Variants in SLC9A6 observed in about 807,000 individuals in gnomAD.
SLC9A6 encodes the protein solute carrier family 9 member A6.
Under a neutral mutation model 45.3 loss-of-function variants are expected in SLC9A6, and 6 were observed. The observed-to-expected ratio is 0.13, with a 90% confidence interval of 0.07 to 0.26. The LOEUF (loss-of-function observed/expected upper bound fraction) is 0.26. SLC9A6 is among the 10% of genes least tolerant of loss of function. SLC9A6 has a pLI of 1.00. For missense variants in SLC9A6, 278 were observed against 503.7 expected, an observed-to-expected ratio of 0.55 and a Z score of 4.29; for synonymous variants, 191 against 187.7, an observed-to-expected ratio of 1.02 and a Z score of -0.14.
intron 10 of SLC9A6, among the ~76,000 whole-genome samples, chrX:136,014,777 A>G (rs1556619081): frequency 8.9e-6 from 1 of 112,618 alleles, no homozygotes; most frequent in Non-Finnish European, 1.9e-5. Flanking sequence ...GAACAAACAA[A>G]CAAACAACAA....
chrX:136,039,980 G>A (rs2071478710), intron 16 of SLC9A6, 96 bp from the exon 17 acceptor site: 9 of 675,127 alleles, frequency 1.3e-5, no homozygotes, highest in African/African-American at 2.2e-5. Flanking sequence ...GCTGTCCTCC[G>A]AAGTGGTTAC....
intron 6 of SLC9A6, among the ~76,000 whole-genome samples, chrX:135,999,233 G>A (rs924916598): frequency 3.7e-5 from 4 of 108,985 alleles, no homozygotes; most frequent in Non-Finnish European, 7.6e-5. Flanking sequence ...GGACTATAAG[G>A]TACTTTCTTC....
intron 15 of SLC9A6, among the ~76,000 whole-genome samples, chrX:136,031,070 C>T (rs782099490): frequency 8.9e-6 from 1 of 111,928 alleles, no homozygotes; most frequent in South Asian, 3.7e-4. Flanking sequence ...ATAGTAAGTA[C>T]TTGACTCTTG....
At chrX:135,978,651 CAA>C (rs201997429) in intron 1 of SLC9A6, among the ~76,000 whole-genome samples, 2 of 81,022 alleles carry the variant, frequency 2.5e-5, no homozygotes. Context: ...GACTCCATCT[CAA>C]AAAAAAAAAA....
intron 11 of SLC9A6, among the ~76,000 whole-genome samples, chrX:136,018,754 A>G (rs1556619581): frequency 9.0e-6 from 1 of 110,884 alleles, no homozygotes; most frequent in Non-Finnish European, 1.9e-5. Context: ...ACCTCACATC[A>G]GAATGAAGAT....
At chrX:135,990,017 G>A (rs897059994) in intron 2 of SLC9A6, among the ~76,000 whole-genome samples, 1 of 111,273 alleles carries the variant, frequency 9.0e-6, no homozygotes, top group Non-Finnish European at 1.9e-5. Flanking sequence ...ACGGAGTCTC[G>A]CTCTGTCTCC....
At chrX:136,007,236 A>G (rs782391820) in intron 7 of SLC9A6, among the ~76,000 whole-genome samples, 9 of 109,152 alleles carry the variant, frequency 8.2e-5, no homozygotes, top group Non-Finnish European at 1.3e-4. Flanking sequence ...CCCTCACCAC[A>G]CACACACAGG....
chrX:136,000,521 G>C (rs1316561196), intron 6 of SLC9A6, among the ~76,000 whole-genome samples: 1 of 111,444 alleles, frequency 9.0e-6, no homozygotes, highest in African/African-American at 3.3e-5. Context: ...AGAAATCTGA[G>C]TCCATGAGTC....
At chrX:136,003,793 CTT>C (rs1367929037) in intron 7 of SLC9A6, among the ~76,000 whole-genome samples, 1 of 111,943 alleles carries the variant, frequency 8.9e-6, no homozygotes, top group East Asian at 2.8e-4. Context: ...ATTTGTCAAA[CTT>C]TTATATTTTT....
chrX:136,031,758 C>A (rs115037573), intron 15 of SLC9A6, among the ~76,000 whole-genome samples: 8,239 of 111,266 alleles, frequency 0.074, 331 homozygotes, highest in African/African-American at 0.16. Context: ...ACAGAGGAAC[C>A]TTATACTAAG....
chrX:136,036,763 G>A lies in SLC9A6; in HGVS notation c.1661+3270G>A, dbSNP rs149104723. Reference sequence around the variant, plus strand: ...ATTTTATTCACCTTTTATGGTTAGTGTTTTCTGTGTCTTAAGAAATCTTCC... The same window carrying A: ...ATTTTATTCACCTTTTATGGTTAGTATTTTCTGTGTCTTAAGAAATCTTCC... On this transcript the variant is annotated intron_variant, in intron 16 of 17. Transcript: ENST00000630721. 4.2e-3 allele frequency among the ~76,000 whole-genome samples: 475 copies of A among 112,819 alleles called. 3 individuals carry two copies. Among genetic ancestry groups the A allele is most frequent in the African/African-American group, 0.013 (413 of 31,161 alleles).
intron 6 of SLC9A6, among the ~76,000 whole-genome samples, chrX:136,000,094 GA>G (rs1313839035): frequency 9.4e-6 from 1 of 106,572 alleles, no homozygotes; most frequent in African/African-American, 3.4e-5. Context: ...CAAAAAAAAA[GA>G]AAAAAAATAG....
At chrX:135,976,529 G>A (rs2089263848) in intron 1 of SLC9A6, among the ~76,000 whole-genome samples, 1 of 108,261 alleles carries the variant, frequency 9.2e-6, no homozygotes, top group Admixed American at 9.9e-5. Flanking sequence ...TTGAACCCAG[G>A]AGGCGGAGGT....
At chrX:136,044,056 A>G (rs781874339) in intron 17 of SLC9A6, among the ~76,000 whole-genome samples, 1 of 112,224 alleles carries the variant, frequency 8.9e-6, no homozygotes, top group African/African-American at 3.2e-5. Context: ...ATGCCACGAA[A>G]GCACACAGGA....
intron 11 of SLC9A6, 23 bp downstream of exon 11, chrX:136,016,781 T>G: frequency 1.1e-6 from 1 of 890,790 alleles, no homozygotes; most frequent in Non-Finnish European, 1.6e-6. Context: ...ATGTGTTTTA[T>G]TTTGAAAATA....
chrX:135,990,430 T>C (rs1257635235), intron 2 of SLC9A6, among the ~76,000 whole-genome samples: 1 of 112,341 alleles, frequency 8.9e-6, no homozygotes, highest in Non-Finnish European at 1.9e-5. Context: ...TCACTGAGAA[T>C]TGCTTTGACT....
At position 136,016,834 on chromosome X, in the gene SLC9A6, A is replaced by G. The variant is rs2071028463; in HGVS notation, c.1194+76A>G. The G allele has an allele frequency of 7.3e-6, 4 of 550,777 alleles. No homozygotes were observed. The Admixed American group carries it at 1.3e-4, about 17-fold the overall frequency. The allele number at this position is 550,777 out of a possible 1,213,427, so 45.4% of individuals were successfully genotyped here. A position where few individuals can be genotyped will look rare whatever the true frequency, so the allele number is the denominator to read the frequency against. On this transcript the variant is annotated intron_variant, in intron 11 of 17. Transcript: ENST00000630721. ...CATGTGGGTTTTGAGTATGTGGTTC[A>G]TAAGAATACATTTAAATATATACAG...
chrX:136,027,493 T>G (rs1315458086), intron 13 of SLC9A6, among the ~76,000 whole-genome samples: 1 of 111,521 alleles, frequency 9.0e-6, no homozygotes, highest in South Asian at 3.8e-4. Context: ...GGAAGTGAGG[T>G]TGGCAAGATC....
intron 10 of SLC9A6, 45 bp downstream of exon 10, chrX:136,013,482 A>G (rs2070961406): frequency 1.1e-6 from 1 of 914,474 alleles, no homozygotes; most frequent in Non-Finnish European, 1.6e-6. Flanking sequence ...TCCTTCTTTC[A>G]GCAAAATAGA....
Sources: gnomAD v4.1 joint callset for allele counts (sites outside exome capture counted in the v4.1 genomes callset) on GRCh38, gnomAD v4.1.1 for gene constraint, MANE v1.5 for transcripts, NCBI Gene and HGNC (gene_info 2026-07-23, HGNC 2026-07-21) for gene names.